The following SNAP25 variants were observed in gnomAD, a reference collection of about 807,000 sequenced individuals.
SNAP25 encodes synaptosome associated protein 25, also known as synaptosomal-associated protein 25.
In SNAP25, 3 loss-of-function variants were observed where a neutral mutation model predicts 28.7. The observed-to-expected ratio is 0.10, with a 90% CI of 0.05 to 0.27. The LOEUF is 0.27. Ranked by LOEUF, SNAP25 falls within the 10% of genes least tolerant of loss-of-function variation. SNAP25 has a pLI of 1.00. For synonymous variants in SNAP25, 61 were observed against 88.1 expected (o/e 0.69, Z 1.72); for missense variants, 117 against 278.7 (o/e 0.42, Z 4.13).
At chr20:10,300,952 T>A (rs2064221422) in intron 7 of SNAP25, among the ~76,000 whole-genome samples, 1 of 152,112 alleles carries the variant, frequency 6.6e-6, no homozygotes, top group East Asian at 1.9e-4. Flanking sequence ...AAAAAATCAT[T>A]GCTGAGCTGC....
rs1476981842 is a variant in SNAP25, at chr20:10,297,030, C to G, written c.387C>G (p.Ile129Met). Residue 129 changes from isoleucine (I) to methionine (M), a missense_variant, in exon 6 of 8, where the codon ATC (isoleucine) becomes ATG (methionine). This residue lies in a region of SNAP25 where 88 missense variants were observed against 206.9 expected (regional missense o/e 0.43). Transcript: ENST00000254976. ...TGGACGAACGGGAGCAGATGGCCATCAGTGGCGGCTTCATCCGCAGGTGAG... is the reference window on the plus strand; with the variant it reads ...TGGACGAACGGGAGCAGATGGCCATGAGTGGCGGCTTCATCCGCAGGTGAG... ...RVVDEREQMA[I>M]SGGFIRRVTN... The G allele has an allele frequency of 6.2e-7, 1 of 1,605,200 alleles. No individual in the cohort carries two copies. Among genetic ancestry groups the G allele is most frequent in the Non-Finnish European group, 8.5e-7 (1 of 1,175,230 alleles).
chr20:10,302,278 A>T (rs1279357318), intron 7 of SNAP25, among the ~76,000 whole-genome samples: 1 of 152,200 alleles, frequency 6.6e-6, no homozygotes, highest in African/African-American at 2.4e-5. Flanking sequence ...GTGGTAGATG[A>T]CAGGCACACG....
rs1485577171 is a variant in SNAP25 at position 10,307,248 on chromosome 20, G to A, written c.*1051G>A. ...GCACACCAAATTGCTGAGATGTTTA[G>A]TAGCTGATAAAGAAACCTTTTAAAA... On this transcript the variant is annotated 3_prime_UTR_variant, in exon 8 of 8. Transcript: ENST00000254976. 1 of 152,546 alleles carries A rather than the reference G, an allele frequency of 6.6e-6. No individual in the cohort carries two copies. Among genetic ancestry groups the A allele is most frequent in the Non-Finnish European group, 1.5e-5 (1 of 68,028 alleles). The allele number at this position is 152,546 out of a possible 1,614,324, so 9.4% of individuals were successfully genotyped here.
chr20:10,238,127 C>T (rs2062956907), intron 1 of SNAP25, among the ~76,000 whole-genome samples: 1 of 152,148 alleles, frequency 6.6e-6, no homozygotes, highest in Non-Finnish European at 1.5e-5. Context: ...AGTCCTTAAA[C>T]ACTCTCCAAC....
chr20:10,227,356 C>T (rs956332483), intron 1 of SNAP25, among the ~76,000 whole-genome samples: 3 of 152,036 alleles, frequency 2.0e-5, no homozygotes, highest in African/African-American at 7.2e-5. Flanking sequence ...TATAACAGTG[C>T]CTGCCACACC....
At chr20:10,253,894 G>C (rs749157170) in intron 1 of SNAP25, among the ~76,000 whole-genome samples, 1 of 152,168 alleles carries the variant, frequency 6.6e-6, no homozygotes, top group African/African-American at 2.4e-5. Flanking sequence ...CAGTTCTCAG[G>C]GTGGCCTAGC....
chr20:10,262,365 T>A (rs1418359657), intron 1 of SNAP25, among the ~76,000 whole-genome samples: 1 of 152,230 alleles, frequency 6.6e-6, no homozygotes, highest in Non-Finnish European at 1.5e-5. Context: ...AGTTTCAAGT[T>A]ACTCCACCTT....
At chr20:10,249,398 GA>G (rs1042064502) in intron 1 of SNAP25, among the ~76,000 whole-genome samples, 28 of 148,972 alleles carry the variant, frequency 1.9e-4, no homozygotes, top group Admixed American at 1.3e-3. Context: ...AGTATGAACA[GA>G]AAAAAAAAAT....
At chr20:10,267,475 A>T (rs6039795) in intron 1 of SNAP25, among the ~76,000 whole-genome samples, 58,149 of 152,044 alleles carry the variant, frequency 0.38, 11,484 homozygotes, top group Middle Eastern at 0.46. Flanking sequence ...TACTGAGGTG[A>T]ACCTGTCAAA....
At chr20:10,244,157 AT>A (rs1168082965) in intron 1 of SNAP25, among the ~76,000 whole-genome samples, 2 of 152,212 alleles carry the variant, frequency 1.3e-5, no homozygotes, top group African/African-American at 4.8e-5. Flanking sequence ...GGTTTTGACT[AT>A]GGTGCAAACA....
chr20:10,245,691 T>TACACAC (rs34503380), intron 1 of SNAP25, among the ~76,000 whole-genome samples: 47 of 150,990 alleles, frequency 3.1e-4, no homozygotes, highest in African/African-American at 8.7e-4. Context: ...CTTCATCTTA[T>TACACAC]ACACACACAC....
At chr20:10,245,808 G>C (rs1209179882) in intron 1 of SNAP25, among the ~76,000 whole-genome samples, 1 of 152,152 alleles carries the variant, frequency 6.6e-6, no homozygotes, top group African/African-American at 2.4e-5. Flanking sequence ...ATTTGTCACT[G>C]CATCTGTATT....
At chr20:10,304,760 T>C (rs1407644236) in intron 7 of SNAP25, among the ~76,000 whole-genome samples, 1 of 152,204 alleles carries the variant, frequency 6.6e-6, no homozygotes, top group East Asian at 1.9e-4. Flanking sequence ...TTTACAGTAT[T>C]GCACTAAACA....
chr20:10,281,810 G>A (rs920995189), intron 3 of SNAP25, among the ~76,000 whole-genome samples: 9 of 152,218 alleles, frequency 5.9e-5, no homozygotes, highest in African/African-American at 1.9e-4. Context: ...CTGAACTCAC[G>A]GAGGCGTCAG....
chr20:10,306,492 A>C lies in SNAP25; in HGVS notation c.*295A>C, dbSNP rs2064364346. On this transcript the variant is annotated 3_prime_UTR_variant, in exon 8 of 8. Transcript: ENST00000254976. ...TCGGTGGCATTTGCTGAATAACAAC[A>C]ATTTAGGAATGCTCAATGTGCTGTT... 7.0e-6 allele frequency: 2 copies of C among 286,782 alleles called. No homozygotes were observed. Among genetic ancestry groups the C allele is most frequent in the East Asian group, 6.4e-5 (1 of 15,618 alleles). 17.8% of individuals were successfully genotyped at this position (286,782 alleles called of 1,614,324 possible).
intron 1 of SNAP25, among the ~76,000 whole-genome samples, chr20:10,272,954 T>G (rs1164910913): frequency 6.6e-6 from 1 of 152,194 alleles, no homozygotes; most frequent in African/African-American, 2.4e-5. Context: ...AAGAGTATGA[T>G]TTCTCCTTTT....
At chr20:10,228,123 C>CT (rs974107920) in intron 1 of SNAP25, among the ~76,000 whole-genome samples, 1 of 152,042 alleles carries the variant, frequency 6.6e-6, no homozygotes, top group African/African-American at 2.4e-5. Context: ...TTTTGCATAT[C>CT]TTTTTTCCCC....
chr20:10,278,944 G>T (rs1004032720), intron 3 of SNAP25, among the ~76,000 whole-genome samples: 3 of 137,456 alleles, frequency 2.2e-5, no homozygotes, highest in African/African-American at 5.3e-5. Flanking sequence ...GTGGGAGGGT[G>T]GGGCGAACGT....
chr20:10,260,497 C>G (rs1379893364), intron 1 of SNAP25, among the ~76,000 whole-genome samples: 1 of 151,780 alleles, frequency 6.6e-6, no homozygotes, highest in African/African-American at 2.4e-5. Flanking sequence ...TGAACCACCA[C>G]CAGCAGCAGC....
Sources: allele counts gnomAD v4.1 joint callset (sites outside exome capture counted in the v4.1 genomes callset), GRCh38; gene constraint gnomAD v4.1.1; regional missense constraint gnomAD v4.1.1; transcripts MANE v1.5; gene names NCBI Gene and HGNC (gene_info 2026-07-23, HGNC 2026-07-21).